Variants in ADGRL3 observed in about 807,000 individuals in gnomAD.
ADGRL3 encodes the protein adhesion G protein-coupled receptor L3, also known as calcium-independent alpha-latrotoxin receptor 3.
ADGRL3 carries 62 observed loss-of-function variants against 153.5 expected under a neutral mutation model. The ratio of observed to expected loss-of-function variants is 0.40; its 90% CI spans 0.33 to 0.50. ADGRL3 has a LOEUF of 0.50. ADGRL3 is among the 20% of genes least tolerant of loss of function. The pLI is 0.47. For synonymous variants in ADGRL3, 710 were observed against 672.5 expected (o/e 1.06, Z -0.86); for missense variants, 1,641 against 1,859.4 (o/e 0.88, Z 2.16).
intron 2 of ADGRL3, among the ~76,000 whole-genome samples, chr4:61,409,404 A>T (rs372204788): frequency 9.4e-4 from 129 of 137,886 alleles, no homozygotes; most frequent in African/African-American, 3.1e-3. Flanking sequence ...AGACATACAT[A>T]ATATATATAT....
intron 4 of ADGRL3, among the ~76,000 whole-genome samples, chr4:61,540,549 A>G (rs2098683817): frequency 6.8e-6 from 1 of 147,980 alleles, no homozygotes; most frequent in African/African-American, 2.5e-5. Context: ...CTCTGTCTCA[A>G]CAAAAAAAGA....
chr4:61,939,113 T>C (rs1326508259), intron 15 of ADGRL3, among the ~76,000 whole-genome samples: 2 of 151,938 alleles, frequency 1.3e-5, no homozygotes, highest in African/African-American at 4.8e-5. Context: ...GAGACTGTCA[T>C]AAAGGAAAAA....
At chr4:61,456,416 GATATATCTATATCTATAT>G (rs1560664591) in intron 2 of ADGRL3, among the ~76,000 whole-genome samples, 14 of 47,780 alleles carry the variant, frequency 2.9e-4, no homozygotes, top group East Asian at 8.9e-4. Context: ...TATATATATA[GATATATCTATATCTATAT>G]ATATAGATAT....
intron 8 of ADGRL3, among the ~76,000 whole-genome samples, chr4:61,808,511 G>T (rs2097574694): frequency 6.6e-6 from 1 of 152,066 alleles, no homozygotes; most frequent in Admixed American, 6.6e-5. Context: ...GGGGAAAAAA[G>T]AAACCAGAAT....
chr4:62,007,405 TAC>T, intron 21 of ADGRL3, among the ~76,000 whole-genome samples: 1 of 78,798 alleles, frequency 1.3e-5, no homozygotes, highest in African/African-American at 4.6e-5. Flanking sequence ...CATATATATA[TAC>T]ACGTATATAT....
chr4:61,460,277 T>G (rs1220063648), intron 2 of ADGRL3, among the ~76,000 whole-genome samples: 1 of 152,114 alleles, frequency 6.6e-6, no homozygotes, highest in Non-Finnish European at 1.5e-5. Flanking sequence ...ATTTCATTAT[T>G]CTGCATAAGG....
At chr4:61,899,504 AG>A in intron 11 of ADGRL3, among the ~76,000 whole-genome samples, 1 of 152,266 alleles carries the variant, frequency 6.6e-6, no homozygotes, top group South Asian at 2.1e-4. Flanking sequence ...ATGGAAACAC[AG>A]GTGAAAAAAA....
rs1560582736 is a variant in ADGRL3 at position 62,070,876 on chromosome 4, A to AAAGGACCGGCTC, written c.4602_4613dup (p.Ala1537_His1538insGlnGlyProAla). On this transcript the variant is annotated inframe_insertion, in exon 27 of 27. Transcript: ENST00000683033. ...TGGGACCCCTCCCGAGGGAAGTTCA[A>AAAGGACCGGCTC]AAGGACCGGCTCATTTGGTCACTAG... is the stretch of plus-strand genomic sequence containing the variant. 6.4e-7 allele frequency: 1 copy of AAAGGACCGGCTC among 1,551,104 alleles called. No individual in the cohort carries two copies. The highest frequency in any genetic ancestry group is 1.2e-5 in the South Asian group (1 of 84,010).
chr4:61,379,008 A>G (rs2096637124), intron 1 of ADGRL3, among the ~76,000 whole-genome samples: 1 of 152,052 alleles, frequency 6.6e-6, no homozygotes, highest in African/African-American at 2.4e-5. Context: ...TCTGTAAAAT[A>G]GGGTGAAAAT....
At chr4:61,936,778 G>GCA (rs1352842847) in intron 15 of ADGRL3, among the ~76,000 whole-genome samples, 2 of 33,048 alleles carry the variant, frequency 6.1e-5, no homozygotes, top group Non-Finnish European at 7.5e-5. Context: ...ATGTACATAT[G>GCA]CATACACACA....
intron 17 of ADGRL3, among the ~76,000 whole-genome samples, chr4:61,960,027 A>C (rs1352113370): frequency 2.0e-5 from 3 of 152,198 alleles, no homozygotes; most frequent in African/African-American, 7.2e-5. Flanking sequence ...AGTACCTCAA[A>C]ATATAGAAAA....
In ADGRL3 at chr4:62,073,522, T is replaced by C. The variant is rs551358709; in HGVS notation, c.*2614T>C. On this transcript the variant is annotated 3_prime_UTR_variant, in exon 27 of 27. Coordinates refer to ENST00000683033, the MANE Select transcript of ADGRL3 (RefSeq NM_001387552.1). ...GTGGTCTGTGGATTATGAGCACTTA[T>C]GCTTGTTTTGTCAAACAGTAACCTA... 33 of 152,262 alleles carry C rather than the reference T, an allele frequency of 2.2e-4. 1 individual carries two copies. The highest frequency in any genetic ancestry group is 7.9e-4 in the African/African-American group (33 of 41,574). 9.4% of individuals were successfully genotyped at this position (152,262 alleles called of 1,614,324 possible).
chr4:61,453,858 CATT>C (rs1206716104), intron 2 of ADGRL3, among the ~76,000 whole-genome samples: 2 of 151,986 alleles, frequency 1.3e-5, no homozygotes, highest in Non-Finnish European at 2.9e-5. Context: ...ATTTTAGAAA[CATT>C]ATAATAAGTA....
At chr4:61,504,833 C>T (rs576276718) in intron 3 of ADGRL3, among the ~76,000 whole-genome samples, 1 of 152,138 alleles carries the variant, frequency 6.6e-6, no homozygotes, top group South Asian at 2.1e-4. Flanking sequence ...GTATGTGTAA[C>T]CACATTTTCT....
intron 8 of ADGRL3, among the ~76,000 whole-genome samples, chr4:61,783,537 G>A (rs1207759904): frequency 5.9e-5 from 9 of 151,974 alleles, no homozygotes; most frequent in Admixed American, 5.9e-4. Context: ...CTCAATGAAG[G>A]TTCTTTGCTG....
intron 4 of ADGRL3, among the ~76,000 whole-genome samples, chr4:61,536,730 G>T (rs1434577962): frequency 6.6e-6 from 1 of 151,732 alleles, no homozygotes; most frequent in African/African-American, 2.4e-5. Flanking sequence ...TTTTCCATTT[G>T]CATGATATAT....
rs1180593528 is a variant in ADGRL3, at chr4:61,730,605, TTC to T, written c.584-8_584-7del. 19 of 539,106 alleles carry T rather than the reference TTC, an allele frequency of 3.5e-5. No individual in the cohort carries two copies. Among genetic ancestry groups the T allele is most frequent in the South Asian group, 1.0e-4 (3 of 29,854 alleles). The allele number at this position is 539,106 out of a possible 1,614,324, so 33.4% of individuals were successfully genotyped here. A position where few individuals can be genotyped will look rare whatever the true frequency, so the allele number is the denominator to read the frequency against. ...TCTCTTTTCTCCTTTCTCTCTTTAC[TTC>T]TCTCTCTCCAATAGAAGTGGAACAA... is the stretch of plus-strand genomic sequence containing the variant. On this transcript the variant is annotated splice_polypyrimidine_tract_variant and intron_variant, in intron 6 of 26. Coordinates refer to ENST00000683033, the MANE Select transcript of ADGRL3 (RefSeq NM_001387552.1).
chr4:61,704,738 G>A (rs938356863), intron 6 of ADGRL3, among the ~76,000 whole-genome samples: 4 of 152,008 alleles, frequency 2.6e-5, no homozygotes, highest in African/African-American at 9.7e-5. Flanking sequence ...CTCAAATCCC[G>A]CCACTGCTTT....
At chr4:61,723,755 G>T (rs1042715546) in intron 6 of ADGRL3, among the ~76,000 whole-genome samples, 20 of 152,088 alleles carry the variant, frequency 1.3e-4, no homozygotes, top group African/African-American at 4.6e-4. Context: ...CCCAGCATTT[G>T]CATATCAATG....
Sources: allele counts gnomAD v4.1 joint callset (sites outside exome capture counted in the v4.1 genomes callset), GRCh38; gene constraint gnomAD v4.1.1; transcripts MANE v1.5; gene names NCBI Gene and HGNC (gene_info 2026-07-23, HGNC 2026-07-21).